Variants in DMD observed in about 807,000 individuals in gnomAD.
DMD encodes the protein dystrophin.
Under a neutral mutation model 330.1 loss-of-function variants are expected in DMD, and 63 were observed. The observed-to-expected ratio is 0.19, with a 90% CI of 0.16 to 0.24. The LOEUF (loss-of-function observed/expected upper bound fraction) is 0.24. Ranked by LOEUF, DMD falls within the 10% of genes least tolerant of loss-of-function variation. The pLI is 1.00. For missense variants in DMD, 3,344 were observed against 2,684.1 expected, an observed-to-expected ratio of 1.25 and a Z score of -5.43; for synonymous variants, 1,223 against 959.8, an observed-to-expected ratio of 1.27 and a Z score of -5.07.
chrX:32,448,668 C>A lies in DMD; in HGVS notation c.3604-30G>T, dbSNP rs770592196. The A allele has an allele frequency of 3.5e-6, 4 of 1,137,290 alleles. No individual in the cohort carries two copies. The South Asian group carries it at 8.1e-5, about 23-fold the overall frequency. The allele number at this position is 1,137,290 out of a possible 1,213,427, so 93.7% of individuals were successfully genotyped here. A position where few individuals can be genotyped will look rare whatever the true frequency, so the allele number is the denominator to read the frequency against. On this transcript the variant is annotated intron_variant, in intron 26 of 78. Coordinates refer to ENST00000357033, the MANE Select transcript of DMD (RefSeq NM_004006.3). ...AAAATAAAGAATGCTCTCTTAATAG[C>A]ATGAAAATAACTTTACATCCAAAAT...
chrX:31,290,317 T>G (rs1332921161), intron 62 of DMD, among the ~76,000 whole-genome samples: 1 of 111,532 alleles, frequency 9.0e-6, no homozygotes, highest in Non-Finnish European at 1.9e-5. Context: ...ATGGTAGTAT[T>G]AATAGTAATG....
chrX:31,400,004 G>A (rs1301222075), intron 60 of DMD, among the ~76,000 whole-genome samples: 1 of 111,858 alleles, frequency 8.9e-6, no homozygotes, highest in Non-Finnish European at 1.9e-5. Flanking sequence ...TAAATGCAAG[G>A]TGCAAAACAG....
chrX:32,949,395 C>T (rs199634282), intron 2 of DMD, among the ~76,000 whole-genome samples: 83 of 88,990 alleles, frequency 9.3e-4, no homozygotes, highest in Middle Eastern at 5.8e-3. Context: ...GATAGATAGA[C>T]AGACAGACAG....
intron 62 of DMD, among the ~76,000 whole-genome samples, chrX:31,291,462 A>C: frequency 8.9e-6 from 1 of 111,947 alleles, no homozygotes; most frequent in Non-Finnish European, 1.9e-5. Context: ...AGCCTTGCCC[A>C]GTTACAGTAG....
At chrX:31,246,757 C>T (rs1448046510) in intron 63 of DMD, among the ~76,000 whole-genome samples, 1 of 111,088 alleles carries the variant, frequency 9.0e-6, no homozygotes, top group African/African-American at 3.3e-5. Context: ...GAAACCCCGT[C>T]TCCACTAAAA....
At chrX:31,823,891 A>G (rs1170981794) in intron 49 of DMD, among the ~76,000 whole-genome samples, 2 of 111,346 alleles carry the variant, frequency 1.8e-5, no homozygotes, top group African/African-American at 6.5e-5. Flanking sequence ...GCTTTTATAA[A>G]TCCTGAACCA....
chrX:31,300,656 A>G (rs1014573595), intron 62 of DMD, among the ~76,000 whole-genome samples: 1 of 111,932 alleles, frequency 8.9e-6, no homozygotes, highest in African/African-American at 3.2e-5. Flanking sequence ...TTATCAGCAG[A>G]TTTTAAAAAA....
intron 12 of DMD, among the ~76,000 whole-genome samples, chrX:32,606,517 A>T (rs937455621): frequency 1.8e-5 from 2 of 109,827 alleles, no homozygotes; most frequent in Non-Finnish European, 3.8e-5. Context: ...CAAAGAACTT[A>T]AAACACAACT....
chrX:32,944,848 C>T (rs370531584), intron 2 of DMD, among the ~76,000 whole-genome samples: 2 of 110,651 alleles, frequency 1.8e-5, no homozygotes, highest in Middle Eastern at 4.2e-3. Context: ...TCAGGTGATC[C>T]ACCCGCCTCG....
chrX:33,243,992 A>G (rs1227271355), intron 1 of DMD, among the ~76,000 whole-genome samples: 2 of 112,147 alleles, frequency 1.8e-5, no homozygotes, highest in African/African-American at 6.5e-5. Context: ...GTATTCCTTA[A>G]ATATATACAA....
At chrX:31,241,460 A>G (rs953632885) in intron 63 of DMD, among the ~76,000 whole-genome samples, 1 of 112,192 alleles carries the variant, frequency 8.9e-6, no homozygotes, top group African/African-American at 3.2e-5. Flanking sequence ...TTTTTCTAAG[A>G]AGAGAAATTG....
At chrX:32,174,161 C>G (rs1162398089) in intron 44 of DMD, among the ~76,000 whole-genome samples, 1 of 111,896 alleles carries the variant, frequency 8.9e-6, no homozygotes, top group Non-Finnish European at 1.9e-5. Flanking sequence ...GTAGACATGG[C>G]AAACTTATGA....
At chrX:31,854,339 T>C (rs2093580239) in intron 48 of DMD, among the ~76,000 whole-genome samples, 1 of 112,118 alleles carries the variant, frequency 8.9e-6, no homozygotes, top group South Asian at 3.7e-4. Context: ...CAATGGTATC[T>C]TAAAAACAGT....
chrX:32,227,302 T>C (rs1603628664), intron 43 of DMD, among the ~76,000 whole-genome samples: 1 of 68,806 alleles, frequency 1.5e-5, no homozygotes, highest in African/African-American at 5.8e-5. Flanking sequence ...TATATATATA[T>C]ATATATATAT....
At chrX:32,044,867 A>T (rs931226466) in intron 44 of DMD, among the ~76,000 whole-genome samples, 4 of 112,181 alleles carry the variant, frequency 3.6e-5, no homozygotes, top group African/African-American at 1.3e-4. Flanking sequence ...CAAGGCAGTG[A>T]TTTGGACAGG....
intron 4 of DMD, among the ~76,000 whole-genome samples, chrX:32,844,387 G>A (rs2080443941): frequency 1.1e-5 from 1 of 92,246 alleles, no homozygotes; most frequent in Non-Finnish European, 2.1e-5. Context: ...GCCTGGGACA[G>A]AAGAGCGAGA....
At chrX:33,240,721 C>T (rs2052573485) in intron 1 of DMD, among the ~76,000 whole-genome samples, 1 of 111,888 alleles carries the variant, frequency 8.9e-6, no homozygotes, top group Non-Finnish European at 1.9e-5. Flanking sequence ...TTCTCAGGAA[C>T]ACTTGTTATC....
chrX:32,614,642 T>C lies in DMD; in HGVS notation c.1332-189A>G, dbSNP rs72468701. On this transcript the variant is annotated intron_variant, in intron 11 of 78. Transcript: ENST00000357033. The stretch of plus-strand genomic sequence containing the variant: ...GAACTATTATTTCTCAGACTTATAA[T>C]AGTTCACAAATCCTGATTTCTAAAA... 7.4e-4 allele frequency among the ~76,000 whole-genome samples: 82 copies of C among 111,454 alleles called. 1 individual carries two copies. The highest frequency in any genetic ancestry group is 1.4e-3 in the Non-Finnish European group (75 of 52,859).
chrX:32,524,370 G>A (rs1307411899), intron 17 of DMD, among the ~76,000 whole-genome samples: 1 of 111,930 alleles, frequency 8.9e-6, no homozygotes, highest in African/African-American at 3.3e-5. Context: ...CTATGTGCCA[G>A]ACATGCTATT....
Sources: allele counts gnomAD v4.1 joint callset (sites outside exome capture counted in the v4.1 genomes callset), GRCh38; gene constraint gnomAD v4.1.1; transcripts MANE v1.5; gene names NCBI Gene and HGNC (gene_info 2026-07-23, HGNC 2026-07-21).